TMPRSS11F: variants seen among roughly 807,000 people sequenced by gnomAD.
The protein encoded by TMPRSS11F is transmembrane serine protease 11F.
A neutral mutation model predicts 60.2 loss-of-function variants in TMPRSS11F; 47 were observed. The observed-to-expected ratio is 0.78, with a 90% CI of 0.62 to 1.00. The LOEUF (loss-of-function observed/expected upper bound fraction) is 1.00, where lower values mean the gene tolerates loss of function less well. Ranked by LOEUF, TMPRSS11F falls within the 50% of genes least tolerant of loss-of-function variation. TMPRSS11F has a pLI of 0.00. For missense variants in TMPRSS11F, 519 were observed against 522.9 expected (o/e 0.99, Z 0.07); for synonymous variants, 166 against 167.3 (o/e 0.99, Z 0.06).
intron 1 of TMPRSS11F, among the ~76,000 whole-genome samples, chr4:68,115,655 G>A (rs895404915): frequency 6.6e-5 from 10 of 152,138 alleles, no homozygotes; most frequent in East Asian, 1.9e-4. Context: ...AGACTAATAC[G>A]TAAGTTTACA....
intron 3 of TMPRSS11F, among the ~76,000 whole-genome samples, chr4:68,087,430 C>A (rs1723835196): frequency 6.6e-6 from 1 of 152,108 alleles, no homozygotes; most frequent in Admixed American, 6.5e-5. Flanking sequence ...AAGCTGGAAC[C>A]ATTCCCCTTG....
chr4:68,098,937 A>G lies in TMPRSS11F; in HGVS notation c.113T>C (p.Val38Ala), dbSNP rs770696185. ...ACCAATTGCAATTCCTATGATTGCT[A>G]CAATTGCTAATGTGAAAAGAGCTAG... ...VRLALFTLAIVAIIGIAIGIV... is the reference protein window; with the variant it reads ...VRLALFTLAIAAIIGIAIGIV... Residue 38 changes from valine (V) to alanine (A), a missense_variant, in exon 2 of 10, where the codon GTA becomes GCA. Physicochemically the swap from Val to Ala is moderately conservative, Grantham distance 64. Transcript: ENST00000356291. 1.2e-6 allele frequency: 2 copies of G among 1,613,012 alleles called. No individual in the cohort carries two copies. The highest frequency in any genetic ancestry group is 1.7e-6 in the Non-Finnish European group (2 of 1,179,456).
chr4:68,088,492 A>G (rs899619480), intron 3 of TMPRSS11F, among the ~76,000 whole-genome samples: 1 of 151,708 alleles, frequency 6.6e-6, no homozygotes, highest in African/African-American at 2.4e-5. Flanking sequence ...AACGAGACAG[A>G]AAGTCAACAA....
chr4:68,077,565 C>CTTA (rs1723611169), intron 3 of TMPRSS11F: 1 of 152,182 alleles, frequency 6.6e-6, no homozygotes, highest in Admixed American at 6.5e-5. Context: ...AAGATGCTGT[C>CTTA]AGTATTGAGA....
rs1386605963 is a variant in TMPRSS11F at position 68,064,807 on chromosome 4, T to A, written c.893A>T (p.Gln298Leu). Residue 298 changes from glutamine to leucine, a missense_variant, in exon 8 of 10, where the codon CAG becomes CTG. Transcript: ENST00000356291. ...TGAAAACTCAACTCCAGTAGAGAGCTGAACCAAAGCAATGTCATTTTCATT... is the reference window on the plus strand; with the variant it reads ...TGAAAACTCAACTCCAGTAGAGAGCAGAACCAAAGCAATGTCATTTTCATT... ...ETNENDIALVQLSTGVEFSNI... is the reference protein window; with the variant it reads ...ETNENDIALVLLSTGVEFSNI... 1 of 1,614,218 alleles carries A rather than the reference T, an allele frequency of 6.2e-7. No individual in the cohort carries two copies. The highest frequency in any genetic ancestry group is 8.5e-7 in the Non-Finnish European group (1 of 1,180,030).
intron 3 of TMPRSS11F, among the ~76,000 whole-genome samples, chr4:68,087,697 T>TTTTATTTATTTA (rs71218930): frequency 0.033 from 4,853 of 149,192 alleles, 228 homozygotes; most frequent in African/African-American, 0.1. Context: ...ATTAGTAGCA[T>TTTTATTTATTTA]TTTATTTATT....
chr4:68,091,785 A>C (rs61539733), intron 2 of TMPRSS11F, among the ~76,000 whole-genome samples: 10,199 of 45,032 alleles, frequency 0.23, 806 homozygotes, highest in African/African-American at 0.4. Context: ...CTCTCTCTCT[A>C]TCTATCTATC....
intron 5 of TMPRSS11F, among the ~76,000 whole-genome samples, chr4:68,071,009 T>A (rs1040204812): frequency 6.6e-6 from 1 of 151,208 alleles, no homozygotes; most frequent in African/African-American, 2.5e-5. Context: ...TAACCAACAA[T>A]GCCAAAATTT....
intron 1 of TMPRSS11F, among the ~76,000 whole-genome samples, chr4:68,117,756 T>C (rs1259253607): frequency 6.6e-6 from 1 of 152,128 alleles, no homozygotes; most frequent in Non-Finnish European, 1.5e-5. Context: ...TTAATTACCA[T>C]TGATACTTCA....
At chr4:68,062,744 A>C (rs747571519) in intron 8 of TMPRSS11F, 10 of 743,092 alleles carry the variant, frequency 1.3e-5, no homozygotes, top group South Asian at 1.1e-4. Context: ...CACTTTGAAA[A>C]CAAAAGTTTC....
chr4:68,078,529 T>G (rs1380359075), intron 3 of TMPRSS11F, among the ~76,000 whole-genome samples: 1 of 152,204 alleles, frequency 6.6e-6, no homozygotes, highest in African/African-American at 2.4e-5. Context: ...TGTTTATATA[T>G]CCAATGTTCC....
At chr4:68,067,133 G>T (rs867576251) in intron 7 of TMPRSS11F, among the ~76,000 whole-genome samples, 1 of 151,892 alleles carries the variant, frequency 6.6e-6, no homozygotes, top group Admixed American at 6.6e-5. Context: ...CATAAAATAT[G>T]CTATAATGTG....
rs376027923 is a variant in TMPRSS11F, at chr4:68,100,894, C to T, written c.12-1856G>A. Among the ~76,000 whole-genome samples, 75 of 152,222 alleles carry T rather than the reference C, an allele frequency of 4.9e-4. 2 individuals are homozygous for T. The South Asian group carries it at 0.013, about 26-fold the overall frequency. ...AAACACCATTCCTCTCACCCATAAT[C>T]GAAGTCTCTATTTCCAAAATCTATG... On this transcript the variant is annotated intron_variant, in intron 1 of 9. Transcript: ENST00000356291.
At chr4:68,115,108 G>C (rs955213291) in intron 1 of TMPRSS11F, among the ~76,000 whole-genome samples, 4 of 151,554 alleles carry the variant, frequency 2.6e-5, no homozygotes, top group Non-Finnish European at 2.9e-5. Flanking sequence ...CCAGCACTTT[G>C]GGAGGCCGAT....
chr4:68,111,353 C>A (rs1242740830), intron 1 of TMPRSS11F, among the ~76,000 whole-genome samples: 1 of 151,986 alleles, frequency 6.6e-6, no homozygotes. Context: ...GTATTAAAAA[C>A]AAAATAAAAC....
At chr4:68,111,358 T>TAAAACAAAAC (rs1313410013) in intron 1 of TMPRSS11F, among the ~76,000 whole-genome samples, 1 of 152,004 alleles carries the variant, frequency 6.6e-6, no homozygotes, top group Non-Finnish European at 1.5e-5. Flanking sequence ...AAAAACAAAA[T>TAAAACAAAAC]AAAACAAAAC....
intron 2 of TMPRSS11F, among the ~76,000 whole-genome samples, chr4:68,091,280 C>T (rs1182206000): frequency 6.6e-6 from 1 of 152,016 alleles, no homozygotes; most frequent in Non-Finnish European, 1.5e-5. Flanking sequence ...TTTATGAAGC[C>T]ATCTTCTAGT....
chr4:68,114,794 C>T (rs1038119893), intron 1 of TMPRSS11F, among the ~76,000 whole-genome samples: 3 of 150,810 alleles, frequency 2.0e-5, no homozygotes, highest in African/African-American at 7.3e-5. Context: ...TCAAGAGTGC[C>T]TAAAACCAAT....
At chr4:68,090,770 G>C in intron 2 of TMPRSS11F, 129 bp from the exon 3 acceptor site, 1 of 1,424,276 alleles carries the variant, frequency 7.0e-7, no homozygotes, top group Non-Finnish European at 9.3e-7. Context: ...AAAAATTCTT[G>C]AAGACACTTC....
Sources: gnomAD v4.1 joint callset for allele counts (sites outside exome capture counted in the v4.1 genomes callset) on GRCh38, gnomAD v4.1.1 for gene constraint, MANE v1.5 for transcripts, NCBI Gene and HGNC (gene_info 2026-07-23, HGNC 2026-07-21) for gene names.